The following MEIS3 variants were observed in gnomAD, a reference collection of about 807,000 sequenced individuals.
The protein encoded by MEIS3 is Meis homeobox 3.
MEIS3 carries 38 observed loss-of-function variants against 51.4 expected under a neutral mutation model. The ratio of observed to expected loss-of-function variants is 0.74; its 90% CI spans 0.57 to 0.97. The LOEUF (loss-of-function observed/expected upper bound fraction) is 0.97, where lower values mean the gene tolerates loss of function less well. Ranked by LOEUF, MEIS3 falls within the 50% of genes least tolerant of loss-of-function variation. MEIS3 has a pLI of 0.00. For missense variants in MEIS3, 456 were observed against 502.6 expected (o/e 0.91, Z 0.89); for synonymous variants, 198 against 201.8 (o/e 0.98, Z 0.16).
Position 47,409,231 on chromosome 19 carries a change from G to C in MEIS3, c.726C>G (p.Thr242=). ...NSSDQGDGLD[T]SVASPSSGGE... is the part of the protein sequence containing the mutation. ...CACCAGAACTGGGAGAGGCCACGCT[G>C]GTGTCCAGCCCGTCTCCTGAGGGAA... Residue 242 remains threonine (T), a synonymous_variant, in exon 8 of 13, where the codon ACC becomes ACG. Transcript: ENST00000558555. The C allele has an allele frequency of 6.2e-7, 1 of 1,612,400 alleles. No individual in the cohort carries two copies.
chr19:47,411,318 G>A (rs531038503), intron 6 of MEIS3, among the ~76,000 whole-genome samples: 6 of 152,170 alleles, frequency 3.9e-5, no homozygotes, highest in East Asian at 1.9e-4. Flanking sequence ...GCACAACCTC[G>A]TCATCAAACT....
intron 4 of MEIS3, 108 bp downstream of exon 4, chr19:47,416,544 T>C: frequency 1.2e-6 from 1 of 867,626 alleles, no homozygotes; most frequent in Admixed American, 3.0e-5. Flanking sequence ...TTTGGGGACA[T>C]GGACCAGGTG....
At chr19:47,421,330 C>A (rs1036335837), upstream of MEIS3, among the ~76,000 whole-genome samples, 1 of 152,146 alleles carries the variant, frequency 6.6e-6, no homozygotes, top group Non-Finnish European at 1.5e-5. Flanking sequence ...GATCTCTCAG[C>A]GGACTGGCCC....
At position 47,407,441 on chromosome 19, in the gene MEIS3, G is replaced by A; in HGVS notation, c.859-13C>T. On this transcript the variant is annotated splice_polypyrimidine_tract_variant and intron_variant, in intron 8 of 12. Transcript: ENST00000558555. The stretch of plus-strand genomic sequence containing the variant: ...AGGGGTACGGGTGCTGCAGCCACCA[G>A]CAAGAGTCACTCTGCCTGCCTGGCC... The A allele has an allele frequency of 6.2e-7, 1 of 1,613,850 alleles. No homozygotes were observed.
chr19:47,419,183 A>G lies in MEIS3; in HGVS notation c.-102T>C, dbSNP rs369503523. ...CCTGACGGCCCGCGGTGTTGACGCC[A>G]GGGGGTGGGCAGGAGGCCAGGCGCG... On this transcript the variant is annotated 5_prime_UTR_variant, in exon 1 of 13. Coordinates refer to ENST00000558555, the MANE Select transcript of MEIS3 (RefSeq NM_001301059.2). 1.4e-5 allele frequency: 12 copies of G among 882,176 alleles called. No individual in the cohort carries two copies. Among genetic ancestry groups the G allele is most frequent in the Non-Finnish European group, 1.6e-5 (11 of 672,130 alleles). The allele number at this position is 882,176 out of a possible 1,614,324, so 54.6% of individuals were successfully genotyped here. A position where few individuals can be genotyped will look rare whatever the true frequency, so the allele number is the denominator to read the frequency against.
chr19:47,414,936 C>CCCCCT, intron 5 of MEIS3, 70 bp from the exon 6 acceptor site: 1 of 1,123,370 alleles, frequency 8.9e-7, no homozygotes, highest in South Asian at 1.4e-5. Flanking sequence ...GGGACGGGGG[C>CCCCCT]GGCATTCTGC....
intron 6 of MEIS3, among the ~76,000 whole-genome samples, chr19:47,410,427 G>A (rs182711167): frequency 1.3e-4 from 20 of 150,346 alleles, no homozygotes; most frequent in African/African-American, 2.9e-4. Flanking sequence ...CAGCCTGGCC[G>A]GGGTGACAAA....
intron 8 of MEIS3, among the ~76,000 whole-genome samples, chr19:47,407,820 T>C (rs755678943): frequency 6.6e-6 from 1 of 152,150 alleles, no homozygotes; most frequent in Non-Finnish European, 1.5e-5. Context: ...TATTTATTTA[T>C]TTATTTGAGA....
At position 47,419,062 on chromosome 19, in the gene MEIS3, A is replaced by C; in HGVS notation, c.12+8T>G. 2.4e-6 allele frequency: 3 copies of C among 1,247,426 alleles called. No homozygotes were observed. The highest frequency in any genetic ancestry group is 3.0e-6 in the Non-Finnish European group (3 of 996,998). The allele number at this position is 1,247,426 out of a possible 1,614,324, so 77.3% of individuals were successfully genotyped here. A position where few individuals can be genotyped will look rare whatever the true frequency, so the allele number is the denominator to read the frequency against. On this transcript the variant is annotated splice_region_variant and intron_variant, in intron 1 of 12. Transcript: ENST00000558555. ...GCCGGGACGCGGGGTCCCCGCCCCGAGACCTACCCTCCGGGCCATGGGCTG... is the reference window on the plus strand; with the variant it reads ...GCCGGGACGCGGGGTCCCCGCCCCGCGACCTACCCTCCGGGCCATGGGCTG...
At chr19:47,421,239 C>T (rs958597584), upstream of MEIS3, among the ~76,000 whole-genome samples, 13 of 152,246 alleles carry the variant, frequency 8.5e-5, no homozygotes, top group East Asian at 2.5e-3. Flanking sequence ...CTGTCCTGCA[C>T]CTGTTTTACA....
intron 1 of MEIS3, chr19:47,417,825 A>C (rs889992285): frequency 3.3e-6 from 2 of 610,970 alleles, no homozygotes. Context: ...AACATGTCAC[A>C]CTCCACTCGC....
At chr19:47,415,348 C>T (rs187635533) in intron 4 of MEIS3, among the ~76,000 whole-genome samples, 25 of 152,030 alleles carry the variant, frequency 1.6e-4, no homozygotes, top group Middle Eastern at 3.4e-3. Flanking sequence ...AAGCAAGAGA[C>T]GAAAAAGGAC....
rs575017399 is a variant in MEIS3, at chr19:47,404,735, C to A, written c.*18-1182G>T. 1.2e-3 allele frequency among the ~76,000 whole-genome samples: 180 copies of A among 152,318 alleles called. 3 individuals carry two copies. The highest frequency in any genetic ancestry group is 0.012 in the Admixed American group (179 of 15,310). On this transcript the variant is annotated intron_variant, in intron 12 of 12. Coordinates refer to ENST00000558555, the MANE Select transcript of MEIS3 (RefSeq NM_001301059.2). Reference sequence around the variant, plus strand: ...GAAGCCCTCTCTAAACACCTCCCCCCATCCCAGGTCCAACACCCGCCCCCT... The same window carrying A: ...GAAGCCCTCTCTAAACACCTCCCCCAATCCCAGGTCCAACACCCGCCCCCT...
intron 11 of MEIS3, 63 bp from the exon 12 acceptor site, chr19:47,406,589 G>A (rs1405549313): frequency 2.1e-5 from 31 of 1,491,042 alleles, no homozygotes; most frequent in East Asian, 4.5e-5. Flanking sequence ...ATGCCTCTAA[G>A]TCTCCCTCAC....
intron 12 of MEIS3, 46 bp downstream of exon 12, chr19:47,406,414 T>A: frequency 1.3e-6 from 2 of 1,545,472 alleles, no homozygotes; most frequent in Non-Finnish European, 1.8e-6. Context: ...TGAGGTCTAA[T>A]GGAGGTTTGA....
chr19:47,410,414 C>A lies in MEIS3; in HGVS notation c.598-867G>T, dbSNP rs548697250. Reference sequence around the variant, plus strand: ...AGTGAGCCAAGATTGTGCCACTGCACTCCAGCCTGGCCGGGGTGACAAAGT... The same window carrying A: ...AGTGAGCCAAGATTGTGCCACTGCAATCCAGCCTGGCCGGGGTGACAAAGT... On this transcript the variant is annotated intron_variant, in intron 6 of 12. Coordinates refer to ENST00000558555, the MANE Select transcript of MEIS3 (RefSeq NM_001301059.2). 2.7e-5 allele frequency among the ~76,000 whole-genome samples: 4 copies of A among 148,772 alleles called. No individual in the cohort carries two copies. The East Asian group carries it at 7.9e-4, about 29-fold the overall frequency.
upstream of MEIS3, among the ~76,000 whole-genome samples, chr19:47,421,131 A>T (rs932135092): frequency 7.9e-5 from 12 of 151,738 alleles, no homozygotes; most frequent in Admixed American, 2.0e-4. Context: ...TCCCTGTGAC[A>T]GTGTCTGGAA....
In MEIS3 at chr19:47,416,699, G is replaced by T; in HGVS notation, c.349C>A (p.Arg117Ser). The T allele has an allele frequency of 1.3e-6, 2 of 1,582,238 alleles. No individual in the cohort carries two copies. Among genetic ancestry groups the T allele is most frequent in the East Asian group, 2.3e-5 (1 of 43,078 alleles). ...EDIAAFAKQV[R>S]SERPLFSSNP... ...GAGGAGAAGAGGGGCCTCTCAGAGC[G>T]AACCTGGGAGGGAAGAGAGAGGCCG... Residue 117 changes from arginine to serine, a missense_variant, in exon 4 of 13, where the codon CGC (arginine) becomes AGC (serine). Coordinates refer to ENST00000558555, the MANE Select transcript of MEIS3 (RefSeq NM_001301059.2).
At chr19:47,419,817 C>T (rs1221047828), upstream of MEIS3, among the ~76,000 whole-genome samples, 1 of 152,060 alleles carries the variant, frequency 6.6e-6, no homozygotes, top group African/African-American at 2.4e-5. Flanking sequence ...TTCTCCCGTC[C>T]TTTCTCTCCT....
Sources: allele counts gnomAD v4.1 joint callset (sites outside exome capture counted in the v4.1 genomes callset), GRCh38; gene constraint gnomAD v4.1.1; transcripts MANE v1.5; gene names NCBI Gene and HGNC (gene_info 2026-07-23, HGNC 2026-07-21).